TMEM196: variants seen among roughly 807,000 people sequenced by gnomAD.
TMEM196 encodes the protein transmembrane protein 196.
A neutral mutation model predicts 20.0 loss-of-function variants in TMEM196; 17 were observed. The ratio of observed to expected loss-of-function variants is 0.85; its 90% CI spans 0.58 to 1.27. TMEM196 has a LOEUF of 1.27. TMEM196 is among the 50% of genes most tolerant of loss of function. The probability of loss-of-function intolerance (pLI) is 0.00; values close to 1 mark genes in which losing one functional copy is unlikely to be tolerated. For missense variants in TMEM196, 267 were observed against 223.0 expected, an observed-to-expected ratio of 1.20 and a Z score of -1.26; for synonymous variants, 113 against 88.9, an observed-to-expected ratio of 1.27 and a Z score of -1.52.
chr7:19,732,790 T>TA, intron 1 of TMEM196, among the ~76,000 whole-genome samples: 1 of 152,312 alleles, frequency 6.6e-6, no homozygotes, highest in Non-Finnish European at 1.5e-5. Flanking sequence ...TGTTACATTC[T>TA]AAAATTAAAT....
chr7:19,725,293 C>G (rs985744840), intron 3 of TMEM196, among the ~76,000 whole-genome samples: 1 of 152,252 alleles, frequency 6.6e-6, no homozygotes. Flanking sequence ...ATTTTAAGCA[C>G]TGTGTTTTTG....
At chr7:19,723,834 C>A (rs911585573) in intron 4 of TMEM196, among the ~76,000 whole-genome samples, 4 of 152,142 alleles carry the variant, frequency 2.6e-5, no homozygotes, top group African/African-American at 9.7e-5. Context: ...CAAGAAGAAT[C>A]TTTTCATACC....
At chr7:19,722,187 G>A in intron 4 of TMEM196, 53 bp from the exon 5 acceptor site, 1 of 1,490,580 alleles carries the variant, frequency 6.7e-7, no homozygotes, top group Non-Finnish European at 9.2e-7. Flanking sequence ...GTAAGACATT[G>A]TTTTGGTTAA....
intron 1 of TMEM196, among the ~76,000 whole-genome samples, chr7:19,732,914 C>G (rs1308505329): frequency 2.0e-5 from 3 of 152,044 alleles, no homozygotes; most frequent in Non-Finnish European, 4.4e-5. Context: ...AATTATTAAG[C>G]AAGTAAAAAA....
At chr7:19,731,279 C>A (rs1312892158) in intron 1 of TMEM196, among the ~76,000 whole-genome samples, 1 of 152,090 alleles carries the variant, frequency 6.6e-6, no homozygotes, top group African/African-American at 2.4e-5. Flanking sequence ...AAACTCAGAA[C>A]TTTATAAAAC....
intron 1 of TMEM196, among the ~76,000 whole-genome samples, chr7:19,754,430 A>G (rs1785118533): frequency 6.6e-6 from 1 of 152,214 alleles, no homozygotes; most frequent in African/African-American, 2.4e-5. Flanking sequence ...GATGAAAAAA[A>G]TCATCAGAAT....
At chr7:19,771,730 A>G (rs1265261368) in intron 1 of TMEM196, among the ~76,000 whole-genome samples, 2 of 152,200 alleles carry the variant, frequency 1.3e-5, no homozygotes, top group Non-Finnish European at 2.9e-5. Context: ...GGTGGAAGAA[A>G]TGGGTCTCTA....
At chr7:19,722,399 C>G (rs958597736) in intron 4 of TMEM196, among the ~76,000 whole-genome samples, 25 of 152,108 alleles carry the variant, frequency 1.6e-4, no homozygotes, top group African/African-American at 5.6e-4. Flanking sequence ...TGAGTTTCCT[C>G]TTTCTTTCTT....
At chr7:19,762,133 G>T (rs1192543724) in intron 1 of TMEM196, among the ~76,000 whole-genome samples, 1 of 151,900 alleles carries the variant, frequency 6.6e-6, no homozygotes, top group East Asian at 1.9e-4. Context: ...TATATAAGGG[G>T]AACTTTGAAT....
In TMEM196 at chr7:19,725,626, C is replaced by T. The variant is rs780657033; in HGVS notation, c.347G>A (p.Gly116Glu). 6.2e-7 allele frequency: 1 copy of T among 1,614,080 alleles called. No homozygotes were observed. Among genetic ancestry groups the T allele is most frequent in the Admixed American group, 1.7e-5 (1 of 60,010 alleles). ...ASMSLACIGI[G>E]GCTLSSWLTC... ...GAGCCAGGAAGAGAGAGTGCAGCCC[C>T]CGATCCCAATGCACGCGAGAGACAT... Residue 116 changes from glycine to glutamate, a missense_variant, in exon 3 of 5, where the codon GGG (glycine) becomes GAG (glutamate). By Grantham distance (98) the Gly-to-Glu change is moderately conservative. Transcript: ENST00000405844.
chr7:19,720,705 T>G lies in TMEM196; in HGVS notation c.*1423A>C, dbSNP rs1223432481. On this transcript the variant is annotated 3_prime_UTR_variant, in exon 5 of 5. Coordinates refer to ENST00000405844, the MANE Select transcript of TMEM196 (RefSeq NM_001363562.2). ...TAGAGGAAAGGATTGAATCTAGCTA[T>G]ACAAATGTTAGCCTATCTTTTCACT... 6.6e-6 allele frequency: 1 copy of G among 151,980 alleles called. No individual in the cohort carries two copies. The highest frequency in any genetic ancestry group is 1.5e-5 in the Non-Finnish European group (1 of 67,830). 9.4% of individuals were successfully genotyped at this position (151,980 alleles called of 1,614,324 possible). A position where few individuals can be genotyped will look rare whatever the true frequency, so the allele number is the denominator to read the frequency against.
chr7:19,726,544 A>G (rs975032240), intron 2 of TMEM196, among the ~76,000 whole-genome samples: 25 of 151,896 alleles, frequency 1.6e-4, no homozygotes, highest in African/African-American at 4.4e-4. Flanking sequence ...TTCCAAAAAT[A>G]CTGTTCGTTT....
chr7:19,750,878 A>G (rs938444772), intron 1 of TMEM196, among the ~76,000 whole-genome samples: 1 of 152,166 alleles, frequency 6.6e-6, no homozygotes, highest in African/African-American at 2.4e-5. Flanking sequence ...TAATTCCCCA[A>G]CGCTATTTCC....
rs1163106210 is a variant in TMEM196 at position 19,720,391 on chromosome 7, G to A, written c.*1737C>T. ...TTCATTAACTTGAATGATCATTACTGTGTTAGCACAATTAAAACTCATGTT... is the reference window on the plus strand; with the variant it reads ...TTCATTAACTTGAATGATCATTACTATGTTAGCACAATTAAAACTCATGTT... On this transcript the variant is annotated 3_prime_UTR_variant, in exon 5 of 5. Transcript: ENST00000405844. The A allele has an allele frequency of 6.6e-6, 1 of 151,962 alleles. No homozygotes were observed. Among genetic ancestry groups the A allele is most frequent in the African/African-American group, 2.4e-5 (1 of 41,438 alleles). The allele number at this position is 151,962 out of a possible 1,614,324, so 9.4% of individuals were successfully genotyped here.
chr7:19,738,413 G>C (rs1180001049), intron 1 of TMEM196, among the ~76,000 whole-genome samples: 1 of 151,926 alleles, frequency 6.6e-6, no homozygotes, highest in African/African-American at 2.4e-5. Context: ...ACACACATTG[G>C]CATATACTCA....
At chr7:19,757,337 C>CTTTTTTTTTTTTTT (rs59859025) in intron 1 of TMEM196, among the ~76,000 whole-genome samples, 652 of 70,874 alleles carry the variant, frequency 9.2e-3, no homozygotes, top group Non-Finnish European at 9.8e-3. Flanking sequence ...CCACACCCAG[C>CTTTTTTTTTTTTTT]TTTTTTTTTT....
At chr7:19,722,502 A>G (rs1284112673) in intron 4 of TMEM196, among the ~76,000 whole-genome samples, 1 of 152,142 alleles carries the variant, frequency 6.6e-6, no homozygotes, top group Admixed American at 6.6e-5. Flanking sequence ...GCATGTCAAC[A>G]AAGTGCCAAT....
chr7:19,722,049 A>T lies in TMEM196; in HGVS notation c.*79T>A, dbSNP rs1783830639. The T allele has an allele frequency of 1.9e-6, 3 of 1,597,218 alleles. No individual in the cohort carries two copies. Among genetic ancestry groups the T allele is most frequent in the Non-Finnish European group, 2.6e-6 (3 of 1,168,768 alleles). ...CTCATTGCCTCATGAAAATCCTAAA[A>T]AGTGTTCAATTCTTTAAAACATTGA... On this transcript the variant is annotated 3_prime_UTR_variant, in exon 5 of 5. Coordinates refer to ENST00000405844, the MANE Select transcript of TMEM196 (RefSeq NM_001363562.2).
chr7:19,749,167 T>A (rs906566289), intron 1 of TMEM196, among the ~76,000 whole-genome samples: 36 of 152,226 alleles, frequency 2.4e-4, no homozygotes, highest in Admixed American at 7.2e-4. Context: ...ATTTAGGCCA[T>A]TGGTCTATGG....
Sources: allele counts gnomAD v4.1 joint callset (sites outside exome capture counted in the v4.1 genomes callset), GRCh38; gene constraint gnomAD v4.1.1; transcripts MANE v1.5; gene names NCBI Gene and HGNC (gene_info 2026-07-23, HGNC 2026-07-21).